The following CLSTN2 variants were observed in gnomAD, a reference collection of about 807,000 sequenced individuals.
CLSTN2 encodes the protein calsyntenin 2, also known as calsyntenin-2.
CLSTN2 carries 48 observed loss-of-function variants against 101.2 expected under a neutral mutation model. The ratio of observed to expected loss-of-function variants is 0.47; its 90% CI spans 0.38 to 0.60. The LOEUF (loss-of-function observed/expected upper bound fraction) is 0.60. Among genes scored for constraint, CLSTN2 ranks in the 20% least tolerant of loss-of-function variants. The pLI, the probability that CLSTN2 is intolerant of heterozygous loss-of-function variation, is 0.00. For missense variants in CLSTN2, 1,160 were observed against 1,238.2 expected (o/e 0.94, Z 0.95); for synonymous variants, 481 against 463.6 (o/e 1.04, Z -0.48).
intron 2 of CLSTN2, among the ~76,000 whole-genome samples, chr3:140,336,537 A>G (rs574116744): frequency 2.4e-4 from 37 of 152,284 alleles, no homozygotes; most frequent in Admixed American, 1.4e-3. Context: ...AAGGCATGGC[A>G]GAAGTCTCTC....
intron 2 of CLSTN2, among the ~76,000 whole-genome samples, chr3:140,291,974 CT>C (rs2107903975): frequency 1.3e-5 from 2 of 152,192 alleles, no homozygotes; most frequent in East Asian, 3.9e-4. Context: ...CCTACTCCAC[CT>C]CACCTTTCCT....
chr3:140,567,202 G>A lies in CLSTN2; in HGVS notation c.*949G>A, dbSNP rs955487922. The A allele has an allele frequency of 6.6e-6, 1 of 152,336 alleles. No individual in the cohort carries two copies. Among genetic ancestry groups the A allele is most frequent in the African/African-American group, 2.4e-5 (1 of 41,472 alleles). 9.4% of individuals were successfully genotyped at this position (152,336 alleles called of 1,614,324 possible). ...AGGTCAAACGTAGGCTTCATGGTGG[G>A]TGGAGTGGGGGTGGCTGGGCTCCCC... On this transcript the variant is annotated 3_prime_UTR_variant, in exon 17 of 17. Transcript: ENST00000458420.
At chr3:140,451,787 T>C (rs1933258172) in intron 6 of CLSTN2, among the ~76,000 whole-genome samples, 2 of 152,164 alleles carry the variant, frequency 1.3e-5, no homozygotes, top group African/African-American at 2.4e-5. Flanking sequence ...CTTCAGTGGA[T>C]GGTAGACAAG....
chr3:140,022,281 C>G (rs185293769), intron 1 of CLSTN2, among the ~76,000 whole-genome samples: 2 of 152,334 alleles, frequency 1.3e-5, no homozygotes, highest in Non-Finnish European at 2.9e-5. Context: ...AAATACAGGC[C>G]ACAGAGGGCC....
Position 140,323,730 on chromosome 3 carries a change from C to G in CLSTN2, c.233-79899C>G, listed in dbSNP as rs182737295. ...TTCACTTTATCAGTTCAGATGCTTT[C>G]AGCTGCAATTAACAAAGTCTGACTC... On this transcript the variant is annotated intron_variant, in intron 2 of 16. Transcript: ENST00000458420. Among the ~76,000 whole-genome samples, 41 of 152,292 alleles carry G rather than the reference C, an allele frequency of 2.7e-4. 1 individual carries two copies. The highest frequency in any genetic ancestry group is 9.1e-4 in the African/African-American group (38 of 41,564).
rs562133897 is a variant in CLSTN2, at chr3:140,260,439, G to C, written c.232+84366G>C. ...TCTAACAGCCCAACTGCTCCTAAAG[G>C]AGGGTACTGGATTTTGTCAAATTAT... On this transcript the variant is annotated intron_variant, in intron 2 of 16. Transcript: ENST00000458420. 2.6e-5 allele frequency among the ~76,000 whole-genome samples: 4 copies of C among 151,536 alleles called. No homozygotes were observed. The South Asian group carries it at 6.2e-4, about 24-fold the overall frequency.
At chr3:140,473,618 G>C (rs965134175) in intron 8 of CLSTN2, among the ~76,000 whole-genome samples, 1 of 152,098 alleles carries the variant, frequency 6.6e-6, no homozygotes, top group African/African-American at 2.4e-5. Context: ...GAAGGAAACG[G>C]ATCCTCCAGT....
At chr3:140,253,118 CA>C (rs1381217127) in intron 2 of CLSTN2, among the ~76,000 whole-genome samples, 2 of 152,124 alleles carry the variant, frequency 1.3e-5, no homozygotes, top group African/African-American at 4.8e-5. Flanking sequence ...GTACACCAGG[CA>C]AAAGACAGTG....
At chr3:140,174,100 T>C (rs1330044123) in intron 1 of CLSTN2, among the ~76,000 whole-genome samples, 2 of 152,232 alleles carry the variant, frequency 1.3e-5, no homozygotes, top group Non-Finnish European at 2.9e-5. Context: ...TCTGTTTCCC[T>C]TTTAAAACTG....
At chr3:140,053,888 C>G (rs569528697) in intron 1 of CLSTN2, among the ~76,000 whole-genome samples, 1 of 152,294 alleles carries the variant, frequency 6.6e-6, no homozygotes, top group Admixed American at 6.5e-5. Flanking sequence ...ATGTAAGGAA[C>G]CTTTTTCACT....
intron 2 of CLSTN2, among the ~76,000 whole-genome samples, chr3:140,397,240 T>C (rs2088192712): frequency 1.3e-5 from 2 of 152,176 alleles, no homozygotes; most frequent in Non-Finnish European, 2.9e-5. Flanking sequence ...TTCAACCTGT[T>C]GTGATATGTT....
chr3:140,026,412 C>G (rs2007420648), intron 1 of CLSTN2, among the ~76,000 whole-genome samples: 1 of 152,156 alleles, frequency 6.6e-6, no homozygotes. Context: ...TGTGTATGTG[C>G]TAAATGTGTC....
At chr3:140,460,020 A>G (rs114181921) in intron 7 of CLSTN2, among the ~76,000 whole-genome samples, 2,940 of 152,304 alleles carry the variant, frequency 0.019, 91 homozygotes, top group African/African-American at 0.067. Flanking sequence ...AGCTGGAATC[A>G]GTGCTTTTCA....
At chr3:140,217,917 G>A (rs1441600021) in intron 2 of CLSTN2, among the ~76,000 whole-genome samples, 1 of 152,202 alleles carries the variant, frequency 6.6e-6, no homozygotes, top group Non-Finnish European at 1.5e-5. Context: ...CAGCTCAGAA[G>A]CACATTAGCA....
chr3:140,276,301 C>T (rs2086794485), intron 2 of CLSTN2, among the ~76,000 whole-genome samples: 1 of 152,162 alleles, frequency 6.6e-6, no homozygotes, highest in Non-Finnish European at 1.5e-5. Flanking sequence ...AGTTTGAAGG[C>T]CCTGAGAGTC....
chr3:140,238,324 G>A (rs972885577), intron 2 of CLSTN2, among the ~76,000 whole-genome samples: 1 of 152,120 alleles, frequency 6.6e-6, no homozygotes, highest in Admixed American at 6.6e-5. Flanking sequence ...ACAGTGTAAA[G>A]AGATTATGGT....
At chr3:140,515,312 C>G (rs1934896523) in intron 8 of CLSTN2, among the ~76,000 whole-genome samples, 1 of 152,048 alleles carries the variant, frequency 6.6e-6, no homozygotes, top group Non-Finnish European at 1.5e-5. Context: ...AAAGAACCAG[C>G]TTTTGGTTTA....
intron 1 of CLSTN2, among the ~76,000 whole-genome samples, chr3:139,942,934 TC>T (rs1935156859): frequency 6.6e-6 from 1 of 152,142 alleles, no homozygotes; most frequent in South Asian, 2.1e-4. Flanking sequence ...CTCAAGACCC[TC>T]TACTCATATC....
intron 1 of CLSTN2, among the ~76,000 whole-genome samples, chr3:140,173,987 G>T (rs190812278): frequency 6.6e-6 from 1 of 152,160 alleles, no homozygotes; most frequent in African/African-American, 2.4e-5. Flanking sequence ...TGGGCTTCTC[G>T]TTACTTATGA....
Sources: allele counts gnomAD v4.1 joint callset (sites outside exome capture counted in the v4.1 genomes callset), GRCh38; gene constraint gnomAD v4.1.1; transcripts MANE v1.5; gene names NCBI Gene and HGNC (gene_info 2026-07-23, HGNC 2026-07-21).